Variants in FAM153A observed in about 807,000 individuals in gnomAD.
FAM153A encodes family with sequence similarity 153 member A.
A neutral mutation model predicts 48.1 loss-of-function variants in FAM153A; 12 were observed. The ratio of observed to expected loss-of-function variants is 0.25; its 90% CI spans 0.16 to 0.40. The LOEUF (loss-of-function observed/expected upper bound fraction) is 0.40, where lower values mean the gene tolerates loss of function less well. Among genes scored for constraint, FAM153A ranks in the 10% least tolerant of loss-of-function variants. The probability of loss-of-function intolerance (pLI) is 1.00; values close to 1 mark genes in which losing one functional copy is unlikely to be tolerated. For synonymous variants in FAM153A, 36 were observed against 118.2 expected (o/e 0.30, Z 4.51); for missense variants, 111 against 345.8 (o/e 0.32, Z 5.38).
At chr5:177,703,331 C>T (rs1165135345), downstream of FAM153A, among the ~76,000 whole-genome samples, 1 of 151,804 alleles carries the variant, frequency 6.6e-6, no homozygotes, top group African/African-American at 2.4e-5. Flanking sequence ...GCCTGTAGCC[C>T]CTTTGTTTTG....
At chr5:177,706,931 C>CA (rs1314735228), downstream of FAM153A, 4 of 151,608 alleles carry the variant, frequency 2.6e-5, no homozygotes, top group Non-Finnish European at 5.9e-5. Context: ...GGCTTTAAGT[C>CA]AAAAAAGCAC....
intron 25 of FAM153A, chr5:177,716,282 C>T (rs1465709695): frequency 6.6e-6 from 1 of 151,774 alleles, no homozygotes; most frequent in African/African-American, 2.4e-5. Context: ...ATGCATGGCC[C>T]AGATTAAATA....
At chr5:177,697,445 T>C in the FAM153A span, among the ~76,000 whole-genome samples, 116 of 151,620 alleles carry the variant, frequency 7.7e-4, 1 homozygote, top group African/African-American at 2.6e-3. Flanking sequence ...CTGTCAGTAA[T>C]GAACCCACAA....
downstream of FAM153A, among the ~76,000 whole-genome samples, chr5:177,710,848 G>A (rs1758363308): frequency 6.8e-6 from 1 of 147,356 alleles, no homozygotes; most frequent in South Asian, 2.2e-4. Context: ...GTAAAGACGG[G>A]GTTTCACCAT....
At chr5:177,727,377 CTG>C (rs1762800147) in intron 18 of FAM153A, among the ~76,000 whole-genome samples, 1 of 106,124 alleles carries the variant, frequency 9.4e-6, no homozygotes, top group Admixed American at 1.0e-4. Context: ...CCCTATTCTC[CTG>C]TGACCTTGGA....
the FAM153A span, among the ~76,000 whole-genome samples, chr5:177,699,985 A>G: frequency 6.6e-6 from 1 of 152,062 alleles, no homozygotes; most frequent in South Asian, 2.1e-4. Flanking sequence ...TGAATCTAGC[A>G]ACATATAAAG....
chr5:177,711,507 A>G (rs1288505279), exon 27 of FAM153A: 1 of 152,022 alleles, frequency 6.6e-6, no homozygotes, highest in Non-Finnish European at 1.5e-5. Context: ...CCAATCCATT[A>G]TAAAATTGTT....
intron 26 of FAM153A, among the ~76,000 whole-genome samples, chr5:177,713,351 C>T (rs1188731759): frequency 4.7e-5 from 7 of 150,534 alleles, no homozygotes; most frequent in African/African-American, 7.4e-5. Flanking sequence ...CCTGGCTTCA[C>T]GTCATTCTCC....
intron 1 of FAM153A, among the ~76,000 whole-genome samples, chr5:177,776,466 C>T (rs1350886318): frequency 2.5e-5 from 1 of 39,984 alleles, no homozygotes; most frequent in Non-Finnish European, 4.6e-5. Flanking sequence ...TATACACCAA[C>T]AACAGACAAA....
chr5:177,708,287 T>TTAAAAGTGC, downstream of FAM153A, among the ~76,000 whole-genome samples: 1 of 95,814 alleles, frequency 1.0e-5, no homozygotes, highest in Non-Finnish European at 2.1e-5. Context: ...GGTGCTCTCT[T>TTAAAAGTGC]TTTCATGGGC....
At chr5:177,698,057 G>C in the FAM153A span, among the ~76,000 whole-genome samples, 4 of 151,070 alleles carry the variant, frequency 2.6e-5, no homozygotes, top group Non-Finnish European at 5.9e-5. Flanking sequence ...GGTAAGTAAG[G>C]CGGATGGGCA....
downstream of FAM153A, among the ~76,000 whole-genome samples, chr5:177,703,591 A>G (rs935139720): frequency 4.2e-5 from 6 of 143,420 alleles, no homozygotes; most frequent in African/African-American, 1.3e-4. Flanking sequence ...GTAATCCTCA[A>G]TGTTTGAGGT....
rs530187837 is a variant in FAM153A, at chr5:177,770,800, T to A, written c.-57+9649A>T. ...ATCAGTTGTAACAAATGTACCACTC[T>A]GGTGGAAAATACTAATCATGGGGGA... On this transcript the variant is annotated intron_variant, in intron 1 of 8. Transcript: ENST00000393518. Among the ~76,000 whole-genome samples the A allele has an allele frequency of 2.6e-3, 259 of 99,078 alleles. 72 individuals carry two copies. Among genetic ancestry groups the A allele is most frequent in the Non-Finnish European group, 4.1e-3 (194 of 47,416 alleles). The allele number at this position is 99,078 out of a possible 152,430, so 65.0% of individuals were successfully genotyped here.
downstream of FAM153A, among the ~76,000 whole-genome samples, chr5:177,710,831 A>G (rs911013693): frequency 6.9e-6 from 1 of 145,074 alleles, no homozygotes; most frequent in African/African-American, 2.6e-5. Context: ...AACTTTTTGT[A>G]TTTTCAGTAA....
chr5:177,732,371 G>GT (rs1300261093), intron 14 of FAM153A, among the ~76,000 whole-genome samples: 1 of 111,356 alleles, frequency 9.0e-6, no homozygotes, highest in East Asian at 3.4e-4. Context: ...ACCACACAGT[G>GT]TTTCACTGCA....
chr5:177,709,052 G>A (rs1398667088), downstream of FAM153A, among the ~76,000 whole-genome samples: 4 of 122,278 alleles, frequency 3.3e-5, no homozygotes, highest in Admixed American at 1.1e-4. Flanking sequence ...CCGAGACTGC[G>A]CCACTGCACC....
At chr5:177,781,181 C>T (rs1460515169), upstream of FAM153A, among the ~76,000 whole-genome samples, 1 of 116,466 alleles carries the variant, frequency 8.6e-6, no homozygotes, top group Non-Finnish European at 1.7e-5. Flanking sequence ...TCACTGCAAG[C>T]TCCCCCTCCC....
chr5:177,728,145 C>G (rs1762956697), intron 18 of FAM153A, among the ~76,000 whole-genome samples: 1 of 99,664 alleles, frequency 1.0e-5, no homozygotes, highest in South Asian at 3.7e-4. Flanking sequence ...AGTGTACTAG[C>G]TCATGGCATT....
downstream of FAM153A, among the ~76,000 whole-genome samples, chr5:177,708,480 A>G (rs982391831): frequency 4.8e-4 from 73 of 151,688 alleles, 1 homozygote; most frequent in Non-Finnish European, 7.7e-4. Context: ...GGGAGGCTGA[A>G]GTAGGAGAAT....
Sources: gnomAD v4.1 joint callset for allele counts (sites outside exome capture counted in the v4.1 genomes callset) on GRCh38, gnomAD v4.1.1 for gene constraint, MANE v1.5 for transcripts, NCBI Gene and HGNC (gene_info 2026-07-23, HGNC 2026-07-21) for gene names.